The following OSBP2 variants were observed in gnomAD, a reference collection of about 807,000 sequenced individuals.
OSBP2 encodes oxysterol-binding protein 2.
Under a neutral mutation model 96.0 loss-of-function variants are expected in OSBP2, and 66 were observed. That is an observed-to-expected ratio of 0.69 (90% confidence interval 0.56 to 0.84). The LOEUF (loss-of-function observed/expected upper bound fraction) is 0.84. OSBP2 is among the 40% of genes least tolerant of loss of function. The pLI is 0.00. For synonymous variants in OSBP2, 525 were observed against 520.9 expected (o/e 1.01, Z -0.11); for missense variants, 1,038 against 1,222.7 (o/e 0.85, Z 2.25).
chr22:30,856,636 C>T (rs568671061), intron 2 of OSBP2, among the ~76,000 whole-genome samples: 5 of 152,068 alleles, frequency 3.3e-5, no homozygotes, highest in Non-Finnish European at 5.9e-5. Context: ...ATCCGCCTGC[C>T]GTGGCCTCCC....
chr22:30,769,414 C>A (rs2090319477), intron 2 of OSBP2, among the ~76,000 whole-genome samples: 1 of 152,172 alleles, frequency 6.6e-6, no homozygotes, highest in African/African-American at 2.4e-5. Flanking sequence ...CTTTCGGAGG[C>A]TAAGAAGAGC....
chr22:30,881,745 G>C lies in OSBP2; in HGVS notation c.1108-5681G>C. ...TCTCCCCACAGCACAGCCAGGATGG[G>C]GCCTGGAGAAGGCCGGCAGCAGCAG... On this transcript the variant is annotated intron_variant, in intron 3 of 13. Transcript: ENST00000332585. The surrounding 1 kb of genome is among the most constrained non-coding windows in gnomAD (Gnocchi z 4.5). 1.5e-6 allele frequency: 2 copies of C among 1,304,132 alleles called. No homozygotes were observed. The allele number at this position is 1,304,132 out of a possible 1,614,324, so 80.8% of individuals were successfully genotyped here.
chr22:30,889,666 A>G, intron 7 of OSBP2, 30 bp downstream of exon 7: 6 of 1,610,534 alleles, frequency 3.7e-6, no homozygotes, highest in Non-Finnish European at 5.1e-6. Context: ...CAGCCCCGAC[A>G]GGTCCTCTGG....
At chr22:30,707,364 T>C (rs1207713198) in intron 1 of OSBP2, among the ~76,000 whole-genome samples, 2 of 152,104 alleles carry the variant, frequency 1.3e-5, no homozygotes, top group Non-Finnish European at 2.9e-5. Context: ...CCCAAAGTGT[T>C]AGGATTACAG....
chr22:30,862,148 A>G (rs891403576), intron 2 of OSBP2, among the ~76,000 whole-genome samples: 4 of 152,156 alleles, frequency 2.6e-5, no homozygotes, highest in Non-Finnish European at 4.4e-5. Flanking sequence ...CTCCTTCTCC[A>G]TTGCCTGAGT....
chr22:30,694,124 GA>G (rs2088974932), upstream of OSBP2: 1 of 1,549,420 alleles, frequency 6.5e-7, no homozygotes, highest in Non-Finnish European at 8.7e-7. Context: ...GGGATCCCGG[GA>G]GGTCCAAGTT....
chr22:30,734,819 G>T (rs1017840308), intron 1 of OSBP2, among the ~76,000 whole-genome samples: 4 of 152,228 alleles, frequency 2.6e-5, no homozygotes, highest in Admixed American at 6.5e-5. Flanking sequence ...TAATTTTAAG[G>T]GTTGTTAGCC....
chr22:30,886,316 G>C (rs760152185), intron 3 of OSBP2, among the ~76,000 whole-genome samples: 1 of 152,206 alleles, frequency 6.6e-6, no homozygotes, highest in East Asian at 1.9e-4. Context: ...GTTGGCACTT[G>C]GTTGAGTTGT....
At chr22:30,869,343 C>T (rs1025083619) in intron 2 of OSBP2, among the ~76,000 whole-genome samples, 1 of 152,202 alleles carries the variant, frequency 6.6e-6, no homozygotes, top group African/African-American at 2.4e-5. Context: ...TCATCTGTCA[C>T]CTGGGGATGG....
At chr22:30,797,630 C>T (rs2145835880) in intron 2 of OSBP2, among the ~76,000 whole-genome samples, 1 of 151,138 alleles carries the variant, frequency 6.6e-6, no homozygotes, top group Admixed American at 6.6e-5. Flanking sequence ...GACAGGCTCT[C>T]ACCCAGGCTG....
At chr22:30,897,932 A>AGAG (rs1188978658) in intron 12 of OSBP2, among the ~76,000 whole-genome samples, 1 of 151,362 alleles carries the variant, frequency 6.6e-6, no homozygotes, top group East Asian at 1.9e-4. Context: ...GCTGGGTGAC[A>AGAG]GAGTGAGACT....
chr22:30,783,147 C>T (rs897336763), intron 2 of OSBP2, among the ~76,000 whole-genome samples: 5 of 146,816 alleles, frequency 3.4e-5, no homozygotes, highest in African/African-American at 1.3e-4. Flanking sequence ...GCCCAGGAAC[C>T]TGTGTGCATA....
Position 30,854,570 on chromosome 22 carries a change from A to C in OSBP2, c.854-15859A>C, listed in dbSNP as rs1396706630. On this transcript the variant is annotated intron_variant, in intron 2 of 13. Transcript: ENST00000332585. ...GTAATCCACCCGCCTCAGCCTCCCA[A>C]AGTGCTGGGATTACAGGTGTGAGCC... is the stretch of plus-strand genomic sequence containing the variant. 2.0e-5 allele frequency among the ~76,000 whole-genome samples: 3 copies of C among 151,686 alleles called. No homozygotes were observed. In the South Asian group the frequency reaches 6.3e-4, roughly 32 times the overall value.
intron 2 of OSBP2, among the ~76,000 whole-genome samples, chr22:30,810,681 G>A (rs752117457): frequency 4.3e-4 from 66 of 152,108 alleles, no homozygotes; most frequent in Non-Finnish European, 7.2e-4. Flanking sequence ...TCTTTGCAGG[G>A]CCCGTCACCA....
intron 2 of OSBP2, among the ~76,000 whole-genome samples, chr22:30,782,375 C>CT (rs961519251): frequency 3.1e-4 from 47 of 151,726 alleles, no homozygotes; most frequent in Non-Finnish European, 1.5e-4. Flanking sequence ...TCTAGGATTT[C>CT]TTTTTTTTTC....
intron 2 of OSBP2, among the ~76,000 whole-genome samples, chr22:30,795,057 A>G (rs1368148725): frequency 1.3e-5 from 2 of 151,604 alleles, no homozygotes; most frequent in South Asian, 2.1e-4. Context: ...CTACAGGTAC[A>G]CACCACTGCA....
rs747016595 is a variant in OSBP2 at position 30,906,452 on chromosome 22, ATTTCC to A, written c.*120_*124del. ...TCCCAGCCCATTCCCAGCCCTTCCT[ATTTCC>A]TTTCCTATTTTTTTTTTCTCCCCAC... On this transcript the variant is annotated 3_prime_UTR_variant, in exon 14 of 14. Coordinates refer to ENST00000332585, the MANE Select transcript of OSBP2 (RefSeq NM_030758.4). 707 of 1,271,506 alleles carry A rather than the reference ATTTCC, an allele frequency of 5.6e-4. 3 individuals are homozygous for A. The highest frequency in any genetic ancestry group is 5.5e-4 in the Non-Finnish European group (524 of 957,868). 78.8% of individuals were successfully genotyped at this position (1,271,506 alleles called of 1,614,324 possible).
intron 2 of OSBP2, among the ~76,000 whole-genome samples, chr22:30,868,343 C>G (rs2039388314): frequency 6.6e-6 from 1 of 152,250 alleles, no homozygotes; most frequent in South Asian, 2.1e-4. Flanking sequence ...CCACTGTCTA[C>G]TGACCTCTAC....
At chr22:30,746,485 CTTTTTTTTTT>C (rs34500140) in intron 2 of OSBP2, among the ~76,000 whole-genome samples, 5 of 101,530 alleles carry the variant, frequency 4.9e-5, no homozygotes, top group Non-Finnish European at 9.1e-5. Flanking sequence ...GGATGAAACA[CTTTTTTTTTT>C]TTTTTTTTTT....
Sources: gnomAD v4.1 joint callset for allele counts (sites outside exome capture counted in the v4.1 genomes callset) on GRCh38, gnomAD v4.1.1 for gene constraint, Gnocchi (gnomAD v3.1) non-coding constraint, MANE v1.5 for transcripts, NCBI Gene and HGNC (gene_info 2026-07-23, HGNC 2026-07-21) for gene names.